Variants in SGCZ observed in about 807,000 individuals in gnomAD.
The protein encoded by SGCZ is zeta-sarcoglycan.
A neutral mutation model predicts 41.3 loss-of-function variants in SGCZ; 40 were observed. That is an observed-to-expected ratio of 0.97 (90% CI 0.75 to 1.26). The LOEUF (loss-of-function observed/expected upper bound fraction) is 1.26, where lower values mean the gene tolerates loss of function less well. Ranked by LOEUF, SGCZ falls within the 50% of genes most tolerant of loss-of-function variation. The pLI is 0.00. For missense variants in SGCZ, 552 were observed against 369.8 expected (o/e 1.49, Z -4.04); for synonymous variants, 206 against 137.5 (o/e 1.50, Z -3.49).
intron 4 of SGCZ, among the ~76,000 whole-genome samples, chr8:14,195,765 A>C (rs1429813427): frequency 6.6e-6 from 1 of 152,132 alleles, no homozygotes; most frequent in Non-Finnish European, 1.5e-5. Flanking sequence ...AAAATGCCAA[A>C]ACAATAACAA....
chr8:15,138,906 A>T (rs1450835878), intron 1 of SGCZ, among the ~76,000 whole-genome samples: 2 of 152,314 alleles, frequency 1.3e-5, no homozygotes, highest in African/African-American at 4.8e-5. Flanking sequence ...GGAAAAGCAA[A>T]ATGTAAATCA....
intron 1 of SGCZ, among the ~76,000 whole-genome samples, chr8:15,191,966 T>C (rs1456012041): frequency 6.6e-6 from 1 of 152,052 alleles, no homozygotes; most frequent in Non-Finnish European, 1.5e-5. Flanking sequence ...TAAATCTCAG[T>C]TTTCTCACCT....
chr8:15,034,456 G>C (rs1177249795), intron 1 of SGCZ, among the ~76,000 whole-genome samples: 1 of 152,042 alleles, frequency 6.6e-6, no homozygotes, highest in Non-Finnish European at 1.5e-5. Flanking sequence ...AGTCTTAAAA[G>C]ATCTATGGGA....
At chr8:14,969,330 A>C (rs1342840072) in intron 1 of SGCZ, among the ~76,000 whole-genome samples, 1 of 152,132 alleles carries the variant, frequency 6.6e-6, no homozygotes, top group African/African-American at 2.4e-5. Context: ...CTACACACTG[A>C]AACATCTACT....
intron 5 of SGCZ, among the ~76,000 whole-genome samples, chr8:14,142,408 C>A (rs1371152163): frequency 6.6e-6 from 1 of 152,074 alleles, no homozygotes; most frequent in Non-Finnish European, 1.5e-5. Flanking sequence ...GGGAGCTGGG[C>A]TGGCTCTAAA....
Position 14,325,649 on chromosome 8 carries a change from A to C in SGCZ, c.235-1445T>G, listed in dbSNP as rs187359738. The stretch of plus-strand genomic sequence containing the variant: ...ATCATGTATATAATCACATATAATC[A>C]ATGATATATAATCATATTTTAATTA... On this transcript the variant is annotated intron_variant, in intron 2 of 7. Coordinates refer to ENST00000382080, the MANE Select transcript of SGCZ (RefSeq NM_139167.4). 4.4e-3 allele frequency among the ~76,000 whole-genome samples: 637 copies of C among 143,172 alleles called. 4 individuals are homozygous for C. Among genetic ancestry groups the C allele is most frequent in the Admixed American group, 0.011 (161 of 14,190 alleles). 93.9% of individuals were successfully genotyped at this position (143,172 alleles called of 152,430 possible). A position where few individuals can be genotyped will look rare whatever the true frequency, so the allele number is the denominator to read the frequency against.
At chr8:14,144,511 T>G (rs13253386) in intron 5 of SGCZ, among the ~76,000 whole-genome samples, 58,426 of 152,052 alleles carry the variant, frequency 0.38, 12,511 homozygotes, top group Non-Finnish European at 0.5. Flanking sequence ...GGTGAGATGT[T>G]GAGACATGGT....
At position 14,632,851 on chromosome 8, in the gene SGCZ, T is replaced by C. The variant is rs535342882; in HGVS notation, c.40-77925A>G. 2.0e-5 allele frequency among the ~76,000 whole-genome samples: 3 copies of C among 152,046 alleles called. 1 individual carries two copies. The South Asian group carries it at 6.2e-4, about 31-fold the overall frequency. On this transcript the variant is annotated intron_variant, in intron 1 of 7. Coordinates refer to ENST00000382080, the MANE Select transcript of SGCZ (RefSeq NM_139167.4). Reference sequence around the variant, plus strand: ...TCTGCATAGAGGAAATAGAAATAAATGAATGGATAAAGGTAAATAAAATAC... The same window carrying C: ...TCTGCATAGAGGAAATAGAAATAAACGAATGGATAAAGGTAAATAAAATAC...
At position 15,005,328 on chromosome 8, in the gene SGCZ, CTT is replaced by C. The variant is rs10603664; in HGVS notation, c.39+232255_39+232256del. 5.8e-3 allele frequency among the ~76,000 whole-genome samples: 457 copies of C among 78,628 alleles called. 2 individuals carry two copies. Among genetic ancestry groups the C allele is most frequent in the African/African-American group, 0.012 (249 of 19,958 alleles). 51.6% of individuals were successfully genotyped at this position (78,628 alleles called of 152,430 possible). ...CCCCCTCCCCCGTTTTTTTCTTTTT[CTT>C]TTTTTTTTTTTTTTTTTTGACATGG... On this transcript the variant is annotated intron_variant, in intron 1 of 7. Transcript: ENST00000382080.
intron 3 of SGCZ, chr8:14,319,653 G>A (rs1801852919): frequency 1.3e-5 from 2 of 152,048 alleles, no homozygotes; most frequent in Admixed American, 1.3e-4. Flanking sequence ...ATGAGTAACT[G>A]TAGCCATTTA....
At chr8:14,656,977 T>C (rs765798898) in intron 1 of SGCZ, among the ~76,000 whole-genome samples, 18 of 151,990 alleles carry the variant, frequency 1.2e-4, no homozygotes, top group Admixed American at 3.3e-4. Context: ...ATAAACTCTA[T>C]TATATGTCTA....
At chr8:14,519,076 A>G (rs1240073814) in intron 2 of SGCZ, among the ~76,000 whole-genome samples, 1 of 151,606 alleles carries the variant, frequency 6.6e-6, no homozygotes, top group African/African-American at 2.4e-5. Flanking sequence ...CTAAAAAAAA[A>G]AAAAAAAAAG....
At chr8:14,479,752 T>C (rs1206451756) in intron 2 of SGCZ, among the ~76,000 whole-genome samples, 3 of 66,478 alleles carry the variant, frequency 4.5e-5, no homozygotes, top group South Asian at 4.5e-4. Flanking sequence ...TTTTTTTTTT[T>C]TTTTTTTTTA....
intron 1 of SGCZ, among the ~76,000 whole-genome samples, chr8:15,190,525 T>G (rs1252987815): frequency 1.3e-5 from 2 of 152,142 alleles, no homozygotes; most frequent in Non-Finnish European, 2.9e-5. Flanking sequence ...ACAATAAAGC[T>G]TTCTTGAAAG....
At chr8:14,414,212 A>G (rs1300951885) in intron 2 of SGCZ, among the ~76,000 whole-genome samples, 1 of 151,896 alleles carries the variant, frequency 6.6e-6, no homozygotes, top group Non-Finnish European at 1.5e-5. Context: ...ACACATACAG[A>G]CACGCACACG....
chr8:15,052,346 G>C (rs957815699), intron 1 of SGCZ, among the ~76,000 whole-genome samples: 7 of 152,326 alleles, frequency 4.6e-5, no homozygotes, highest in Middle Eastern at 3.4e-3. Flanking sequence ...AAGGGCATTT[G>C]CTGAAAGCAG....
chr8:14,975,972 G>A (rs1024721290), intron 1 of SGCZ, among the ~76,000 whole-genome samples: 29 of 131,062 alleles, frequency 2.2e-4, no homozygotes, highest in Non-Finnish European at 3.6e-4. Context: ...ATGTGTGTGC[G>A]TGTGTGTATG....
At chr8:14,804,734 C>T (rs1011206338) in intron 1 of SGCZ, among the ~76,000 whole-genome samples, 1 of 109,568 alleles carries the variant, frequency 9.1e-6, no homozygotes, top group African/African-American at 3.2e-5. Context: ...GAGAACGCCA[C>T]AAAGATACTC....
chr8:14,903,823 C>T (rs547647402), intron 1 of SGCZ, among the ~76,000 whole-genome samples: 78 of 152,024 alleles, frequency 5.1e-4, no homozygotes, highest in African/African-American at 1.8e-3. Context: ...AGAAAGGAGA[C>T]ATATTGCTGA....
Sources: allele counts gnomAD v4.1 joint callset (sites outside exome capture counted in the v4.1 genomes callset), GRCh38; gene constraint gnomAD v4.1.1; transcripts MANE v1.5; gene names NCBI Gene and HGNC (gene_info 2026-07-23, HGNC 2026-07-21).